The following NLK variants were observed in gnomAD, a reference collection of about 807,000 sequenced individuals.
NLK encodes the protein serine/threonine-protein kinase NLK.
NLK carries 11 observed loss-of-function variants against 59.0 expected under a neutral mutation model. The ratio of observed to expected loss-of-function variants is 0.19; its 90% CI spans 0.12 to 0.31. The LOEUF (loss-of-function observed/expected upper bound fraction) is 0.31, where lower values mean the gene tolerates loss of function less well. Among genes scored for constraint, NLK ranks in the 10% least tolerant of loss-of-function variants. The pLI, the probability that NLK is intolerant of heterozygous loss-of-function variation, is 1.00. For missense variants in NLK, 410 were observed against 661.1 expected (o/e 0.62, Z 4.16); for synonymous variants, 235 against 235.9 (o/e 1.00, Z 0.03).
intron 3 of NLK, among the ~76,000 whole-genome samples, chr17:28,154,947 G>A (rs1438581396): frequency 5.9e-5 from 9 of 152,132 alleles, no homozygotes; most frequent in Admixed American, 3.9e-4. Flanking sequence ...CATGAGGATC[G>A]CTTGAACCTG....
At chr17:28,185,442 A>T (rs1051002614) in intron 8 of NLK, among the ~76,000 whole-genome samples, 177 bp downstream of exon 8, 12 of 152,226 alleles carry the variant, frequency 7.9e-5, no homozygotes, top group Non-Finnish European at 1.3e-4. Flanking sequence ...GATTATTAAC[A>T]CATAAGAGTC....
chr17:28,155,693 C>G (rs2142042860), intron 3 of NLK, among the ~76,000 whole-genome samples: 1 of 152,128 alleles, frequency 6.6e-6, no homozygotes, highest in African/African-American at 2.4e-5. Flanking sequence ...GAAAACCAAA[C>G]ACCGCATGTT....
intron 3 of NLK, among the ~76,000 whole-genome samples, chr17:28,157,223 G>A (rs568739069): frequency 5.8e-4 from 87 of 149,678 alleles, no homozygotes; most frequent in Non-Finnish European, 7.4e-4. Flanking sequence ...ACAAAGTCTT[G>A]CTCTGTCACC....
chr17:28,193,401 G>T (rs1326304153), intron 10 of NLK, among the ~76,000 whole-genome samples: 1 of 152,022 alleles, frequency 6.6e-6, no homozygotes, highest in Non-Finnish European at 1.5e-5. Context: ...AAGACTGCCT[G>T]CCAGGAGAGT....
intron 3 of NLK, among the ~76,000 whole-genome samples, chr17:28,133,054 A>G (rs1906587157): frequency 6.6e-6 from 1 of 152,196 alleles, no homozygotes; most frequent in African/African-American, 2.4e-5. Flanking sequence ...ACTGCCCTTT[A>G]TTATAACACT....
chr17:28,043,399 C>G lies in NLK; in HGVS notation c.458+68C>G, dbSNP rs966121615. 4 of 1,315,706 alleles carry G rather than the reference C, an allele frequency of 3.0e-6. No homozygotes were observed. The African/African-American group carries it at 5.9e-5, about 19-fold the overall frequency. The allele number at this position is 1,315,706 out of a possible 1,614,324, so 81.5% of individuals were successfully genotyped here. ...GTTGGTTGTCATTGGATGAGTCCAT[C>G]TCTAATGGTTGTCTCCATGTTGACC... is the stretch of plus-strand genomic sequence containing the variant. On this transcript the variant is annotated intron_variant, in intron 1 of 10. Transcript: ENST00000407008.
At chr17:28,051,873 A>G (rs976663750) in intron 1 of NLK, among the ~76,000 whole-genome samples, 1 of 152,186 alleles carries the variant, frequency 6.6e-6, no homozygotes, top group Non-Finnish European at 1.5e-5. Flanking sequence ...GGTGACCACA[A>G]GACAACTTTC....
chr17:28,192,378 A>G (rs904675287), intron 10 of NLK, among the ~76,000 whole-genome samples, 165 bp downstream of exon 10: 3 of 152,178 alleles, frequency 2.0e-5, no homozygotes, highest in Non-Finnish European at 4.4e-5. Flanking sequence ...TTAAAACTGT[A>G]AGCATCTGGG....
chr17:28,177,911 A>G (rs1908749531), intron 7 of NLK, among the ~76,000 whole-genome samples: 1 of 152,130 alleles, frequency 6.6e-6, no homozygotes, highest in African/African-American at 2.4e-5. Flanking sequence ...GTAACTTGTC[A>G]CCATATGACT....
chr17:28,160,830 G>A (rs1204545949), intron 3 of NLK, among the ~76,000 whole-genome samples: 2 of 152,190 alleles, frequency 1.3e-5, no homozygotes, highest in African/African-American at 4.8e-5. Context: ...CCTGTAATAT[G>A]TCTAAGTAGA....
chr17:28,159,456 C>T (rs939479716), intron 3 of NLK, among the ~76,000 whole-genome samples: 23 of 151,814 alleles, frequency 1.5e-4, no homozygotes, highest in African/African-American at 4.3e-4. Context: ...GTCATCTCTG[C>T]GTAATTTTCT....
chr17:28,061,080 G>A (rs1008559629), intron 1 of NLK, among the ~76,000 whole-genome samples: 5 of 152,174 alleles, frequency 3.3e-5, no homozygotes, highest in Non-Finnish European at 5.9e-5. Context: ...CTGGAGTTCA[G>A]TGGTGCAATC....
chr17:28,185,087 AC>A (rs1392795824), intron 7 of NLK, 91 bp from the exon 8 acceptor site: 1 of 576,698 alleles, frequency 1.7e-6, no homozygotes, highest in African/African-American at 1.9e-5. Flanking sequence ...TGCCTTTTGA[AC>A]TGAGTACTTA....
intron 7 of NLK, among the ~76,000 whole-genome samples, chr17:28,183,724 C>G (rs901403654): frequency 2.6e-5 from 4 of 151,990 alleles, no homozygotes; most frequent in African/African-American, 9.7e-5. Context: ...GACGGCAGGT[C>G]TAAAACCCAT....
At chr17:28,163,325 A>T (rs1304412212) in intron 4 of NLK, among the ~76,000 whole-genome samples, 1 of 152,220 alleles carries the variant, frequency 6.6e-6, no homozygotes, top group African/African-American at 2.4e-5. Flanking sequence ...TAAATTATAG[A>T]CATTATCTCT....
intron 9 of NLK, among the ~76,000 whole-genome samples, chr17:28,191,892 G>A (rs914982152): frequency 2.0e-5 from 3 of 152,282 alleles, no homozygotes. Flanking sequence ...TCCCACTGAT[G>A]GGGTTGCAGT....
chr17:28,154,610 A>G (rs1567730080), intron 3 of NLK, among the ~76,000 whole-genome samples: 1 of 152,354 alleles, frequency 6.6e-6, no homozygotes, highest in Admixed American at 6.5e-5. Flanking sequence ...ATTTGAAATG[A>G]TATAAAAGAA....
At chr17:28,142,539 A>T (rs941624537) in intron 3 of NLK, among the ~76,000 whole-genome samples, 1 of 152,200 alleles carries the variant, frequency 6.6e-6, no homozygotes, top group Non-Finnish European at 1.5e-5. Context: ...AGAGAACACA[A>T]TGCTCTCTGT....
At chr17:28,084,789 C>T (rs1475720081) in intron 1 of NLK, among the ~76,000 whole-genome samples, 1 of 152,194 alleles carries the variant, frequency 6.6e-6, no homozygotes, top group Non-Finnish European at 1.5e-5. Context: ...GTCTTGAACT[C>T]CTAACCTCAT....
Sources: gnomAD v4.1 joint callset for allele counts (sites outside exome capture counted in the v4.1 genomes callset) on GRCh38, gnomAD v4.1.1 for gene constraint, MANE v1.5 for transcripts, NCBI Gene and HGNC (gene_info 2026-07-23, HGNC 2026-07-21) for gene names.